CRACDL: variants seen among roughly 807,000 people sequenced by gnomAD.
The protein encoded by CRACDL is CRACD like, also known as CRACD-like protein.
A neutral mutation model predicts 70.6 loss-of-function variants in CRACDL; 26 were observed. The ratio of observed to expected loss-of-function variants is 0.37; its 90% CI spans 0.27 to 0.51. CRACDL has a LOEUF of 0.51. Among genes scored for constraint, CRACDL ranks in the 20% least tolerant of loss-of-function variants. CRACDL has a pLI of 0.94. For missense variants in CRACDL, 1,283 were observed against 1,376.9 expected, an observed-to-expected ratio of 0.93 and a Z score of 1.08; for synonymous variants, 618 against 615.2, an observed-to-expected ratio of 1.00 and a Z score of -0.07.
At chr2:98,867,859 T>A (rs1198867295) in intron 1 of CRACDL, among the ~76,000 whole-genome samples, 1 of 152,228 alleles carries the variant, frequency 6.6e-6, no homozygotes, top group Non-Finnish European at 1.5e-5. Context: ...TCCATTTTTC[T>A]ATGCATATAT....
chr2:98,795,224 C>T (rs986358090), intron 9 of CRACDL, among the ~76,000 whole-genome samples: 2 of 150,792 alleles, frequency 1.3e-5, no homozygotes, highest in African/African-American at 4.9e-5. Context: ...TACAGACATG[C>T]GCCACCATGC....
At chr2:98,893,116 G>T (rs987800227) in intron 1 of CRACDL, among the ~76,000 whole-genome samples, 1 of 152,146 alleles carries the variant, frequency 6.6e-6, no homozygotes, top group Non-Finnish European at 1.5e-5. Context: ...AGCAGGGAGC[G>T]GGGCACAGGG....
rs749600144 is a variant in CRACDL, at chr2:98,822,277, G to C, written c.1996C>G (p.Pro666Ala). 32 of 1,575,734 alleles carry C rather than the reference G, an allele frequency of 2.0e-5. No individual in the cohort carries two copies. The African/African-American group carries it at 3.4e-4, about 17-fold the overall frequency. The part of the protein sequence containing the change: ...EAAAAPGTRE[P>A]CPAAQEPAPS... ...GCCGGCTCCTGGGCGGCTGGGCAGG[G>C]CTCTCTCGTGCCGGGCGCGGCGGCC... Residue 666 changes from proline (P) to alanine (A), a missense_variant, in exon 7 of 10, where the codon CCC becomes GCC. Pro to Ala is a conservative substitution (Grantham distance 27). Transcript: ENST00000397899. The surrounding 1 kb of genome is among the most constrained non-coding windows in gnomAD (Gnocchi z 4.9).
intron 1 of CRACDL, among the ~76,000 whole-genome samples, chr2:98,893,689 T>C (rs190435053): frequency 6.6e-6 from 1 of 152,328 alleles, no homozygotes; most frequent in East Asian, 1.9e-4. Context: ...TTTTTACTTC[T>C]ATTGCTTCTG....
At chr2:98,859,825 A>G (rs1414703856) in intron 1 of CRACDL, among the ~76,000 whole-genome samples, 1 of 152,234 alleles carries the variant, frequency 6.6e-6, no homozygotes, top group Non-Finnish European at 1.5e-5. Flanking sequence ...ACTTAAGAGA[A>G]AGAATAAAAA....
intron 1 of CRACDL, among the ~76,000 whole-genome samples, chr2:98,874,379 G>T (rs1707427147): frequency 6.6e-6 from 1 of 152,216 alleles, no homozygotes; most frequent in Admixed American, 6.5e-5. Context: ...GTTCCTTCCA[G>T]GTGGACATGG....
chr2:98,863,800 C>T (rs1451287613), intron 1 of CRACDL, among the ~76,000 whole-genome samples: 2 of 152,260 alleles, frequency 1.3e-5, no homozygotes, highest in East Asian at 3.9e-4. Flanking sequence ...AGTCAAGAAG[C>T]ACCTGGAATT....
At chr2:98,853,785 G>A (rs866087993) in intron 1 of CRACDL, among the ~76,000 whole-genome samples, 6 of 152,172 alleles carry the variant, frequency 3.9e-5, no homozygotes, top group Admixed American at 2.6e-4. Context: ...GGCATTTTAC[G>A]TGAAGTGGTA....
At chr2:98,820,855 A>G (rs1051361796) in intron 7 of CRACDL, among the ~76,000 whole-genome samples, 33 of 152,346 alleles carry the variant, frequency 2.2e-4, no homozygotes, top group African/African-American at 7.5e-4. Flanking sequence ...GTTGCAGCTG[A>G]GCCACGTGAA....
chr2:98,933,316 C>T (rs1365872658), intron 1 of CRACDL, among the ~76,000 whole-genome samples: 1 of 152,164 alleles, frequency 6.6e-6, no homozygotes, highest in East Asian at 1.9e-4. Context: ...TCTCCTGGTG[C>T]CCAGGGGTGA....
At chr2:98,875,614 A>T (rs1023915304) in intron 1 of CRACDL, among the ~76,000 whole-genome samples, 2 of 152,256 alleles carry the variant, frequency 1.3e-5, no homozygotes, top group African/African-American at 4.8e-5. Flanking sequence ...GTCTGGGCAG[A>T]AGAACCGCAC....
intron 1 of CRACDL, among the ~76,000 whole-genome samples, chr2:98,925,041 C>T (rs80290104): frequency 0.04 from 6,046 of 152,268 alleles, 400 homozygotes; most frequent in African/African-American, 0.14. Context: ...CGGTCCAGGA[C>T]GACCCAGCTC....
chr2:98,796,639 C>T (rs933268668), intron 8 of CRACDL, among the ~76,000 whole-genome samples: 11 of 152,218 alleles, frequency 7.2e-5, no homozygotes, highest in African/African-American at 1.9e-4. Flanking sequence ...AAATTCCCCA[C>T]GCCTACATGA....
intron 1 of CRACDL, among the ~76,000 whole-genome samples, chr2:98,933,659 T>C (rs1192782259): frequency 1.3e-5 from 2 of 152,118 alleles, no homozygotes; most frequent in African/African-American, 4.8e-5. Flanking sequence ...GGAGCCAGCC[T>C]GCAGGGGAAG....
intron 2 of CRACDL, among the ~76,000 whole-genome samples, chr2:98,845,351 C>A (rs1246526846): frequency 6.6e-6 from 1 of 151,860 alleles, no homozygotes; most frequent in African/African-American, 2.4e-5. Context: ...TGTGTGCCAC[C>A]ATGTCCAGCC....
chr2:98,927,876 T>C (rs1373800734), intron 1 of CRACDL, among the ~76,000 whole-genome samples: 1 of 152,172 alleles, frequency 6.6e-6, no homozygotes, highest in Non-Finnish European at 1.5e-5. Context: ...ACTTGTACCA[T>C]TCATTTTGAA....
chr2:98,932,539 T>C (rs1004423524), intron 1 of CRACDL, among the ~76,000 whole-genome samples: 3 of 152,098 alleles, frequency 2.0e-5, no homozygotes, highest in Non-Finnish European at 4.4e-5. Context: ...AGCAACAGCA[T>C]AAATAGGAAC....
chr2:98,935,913 C>G (rs1215439492), intron 1 of CRACDL, 25 bp downstream of exon 1: 1 of 152,134 alleles, frequency 6.6e-6, no homozygotes. Flanking sequence ...CCTTGGGACA[C>G]GCGATTTCAA....
chr2:98,799,210 T>C (rs914997997), intron 7 of CRACDL, among the ~76,000 whole-genome samples: 2 of 152,134 alleles, frequency 1.3e-5, no homozygotes, highest in African/African-American at 4.8e-5. Flanking sequence ...GTGAATGTCA[T>C]TGTTCTCTGT....
Sources: allele counts gnomAD v4.1 joint callset (sites outside exome capture counted in the v4.1 genomes callset), GRCh38; gene constraint gnomAD v4.1.1; non-coding constraint Gnocchi (gnomAD v3.1); transcripts MANE v1.5; gene names NCBI Gene and HGNC (gene_info 2026-07-23, HGNC 2026-07-21).